The following LINGO2 variants were observed in gnomAD, a reference collection of about 807,000 sequenced individuals.
LINGO2 encodes leucine rich repeat and Ig domain containing 2.
LINGO2 carries 14 observed loss-of-function variants against 30.6 expected under a neutral mutation model. The observed-to-expected ratio is 0.46, with a 90% CI of 0.30 to 0.72. The LOEUF (loss-of-function observed/expected upper bound fraction) is 0.72. Ranked by LOEUF, LINGO2 falls within the 30% of genes least tolerant of loss-of-function variation. LINGO2 has a pLI of 0.07. For synonymous variants in LINGO2, 317 were observed against 288.5 expected (o/e 1.10, Z -1.00); for missense variants, 729 against 751.7 (o/e 0.97, Z 0.35).
At chr9:28,814,658 C>T in the LINGO2 span, among the ~76,000 whole-genome samples, 1 of 152,134 alleles carries the variant, frequency 6.6e-6, no homozygotes, top group East Asian at 1.9e-4. Context: ...GAGGCCGAGG[C>T]AGACGGATCA....
the LINGO2 span, among the ~76,000 whole-genome samples, chr9:29,129,260 C>T: frequency 6.6e-6 from 1 of 151,836 alleles, no homozygotes; most frequent in South Asian, 2.1e-4. Flanking sequence ...AAATTGTTAA[C>T]AAGGAAATAA....
chr9:27,969,214 T>C (rs10968237), intron 5 of LINGO2, among the ~76,000 whole-genome samples: 10,727 of 152,068 alleles, frequency 0.071, 787 homozygotes, highest in African/African-American at 0.17. Context: ...CTTTGTTTTA[T>C]GGAAAACAAA....
intron 2 of LINGO2, among the ~76,000 whole-genome samples, chr9:28,377,077 T>G (rs947228121): frequency 1.3e-5 from 2 of 151,162 alleles, no homozygotes; most frequent in East Asian, 2.0e-4. Flanking sequence ...ACACGTTGAT[T>G]TATAATATTA....
chr9:28,674,901 G>A (rs757771751), upstream of LINGO2, among the ~76,000 whole-genome samples: 1 of 151,910 alleles, frequency 6.6e-6, no homozygotes, highest in African/African-American at 2.4e-5. Context: ...TTAATATTTT[G>A]GAGAGTGTAG....
In LINGO2 at chr9:28,486,918, T is replaced by C. The variant is rs1826190761; in HGVS notation, c.-364-10893A>G. ...CTCTCCATTAAGGGTACTGAGTTAT[T>C]TGACACAAAGAGAAAAAACATTTAA... is the stretch of plus-strand genomic sequence containing the variant. On this transcript the variant is annotated intron_variant, in intron 1 of 5. Transcript: ENST00000379992. Among the ~76,000 whole-genome samples the C allele has an allele frequency of 2.0e-5, 3 of 152,046 alleles. No individual in the cohort carries two copies. In the South Asian group the frequency reaches 6.2e-4, roughly 32 times the overall value.
chr9:28,057,812 G>A (rs1053085237), intron 4 of LINGO2, among the ~76,000 whole-genome samples: 13 of 151,498 alleles, frequency 8.6e-5, no homozygotes, highest in East Asian at 5.8e-4. Context: ...ACTCTCTTCC[G>A]GCTACCCTTC....
chr9:28,580,071 A>C (rs1824182843), intron 1 of LINGO2, among the ~76,000 whole-genome samples: 1 of 152,094 alleles, frequency 6.6e-6, no homozygotes. Context: ...ATAGCAAAAG[A>C]AGCAGTGCAG....
At chr9:29,102,525 C>G in the LINGO2 span, among the ~76,000 whole-genome samples, 1 of 152,060 alleles carries the variant, frequency 6.6e-6, no homozygotes, top group Non-Finnish European at 1.5e-5. Flanking sequence ...CCTTCAAAAA[C>G]AAAGAACACA....
chr9:28,433,502 GA>G (rs1200303999), intron 2 of LINGO2, among the ~76,000 whole-genome samples: 2 of 151,852 alleles, frequency 1.3e-5, no homozygotes, highest in African/African-American at 4.8e-5. Flanking sequence ...TGATGGAAAG[GA>G]AAAAAACAGA....
At chr9:28,519,153 C>T (rs1040344746) in intron 1 of LINGO2, among the ~76,000 whole-genome samples, 2 of 152,050 alleles carry the variant, frequency 1.3e-5, no homozygotes, top group Admixed American at 6.6e-5. Flanking sequence ...CCATCTCAGC[C>T]TCCAGAGTAG....
At chr9:28,884,697 G>GTATATA in the LINGO2 span, among the ~76,000 whole-genome samples, 5 of 138,024 alleles carry the variant, frequency 3.6e-5, no homozygotes, top group South Asian at 2.2e-4. Context: ...GTATGTATGT[G>GTATATA]TATATATATA....
the LINGO2 span, among the ~76,000 whole-genome samples, chr9:28,783,766 C>T: frequency 1.3e-5 from 2 of 152,200 alleles, no homozygotes; most frequent in African/African-American, 4.8e-5. Context: ...GCTGCTATAA[C>T]AGAGTGCTAT....
At chr9:28,622,228 C>G (rs1227162136) in intron 1 of LINGO2, among the ~76,000 whole-genome samples, 2 of 151,944 alleles carry the variant, frequency 1.3e-5, no homozygotes, top group East Asian at 1.9e-4. Context: ...GTTGTGCTAT[C>G]AGATACTAGG....
intron 4 of LINGO2, among the ~76,000 whole-genome samples, chr9:28,132,611 G>T (rs1398809981): frequency 6.6e-6 from 1 of 152,190 alleles, no homozygotes; most frequent in Admixed American, 6.5e-5. Context: ...ACAAAATCTA[G>T]TAACTGCTTT....
At chr9:28,087,402 A>G (rs1328020321) in intron 4 of LINGO2, among the ~76,000 whole-genome samples, 1 of 152,124 alleles carries the variant, frequency 6.6e-6, no homozygotes, top group Non-Finnish European at 1.5e-5. Context: ...CATTCTAATC[A>G]TCACTATTAA....
chr9:28,956,719 C>T, the LINGO2 span, among the ~76,000 whole-genome samples: 1 of 122,102 alleles, frequency 8.2e-6, no homozygotes, highest in Non-Finnish European at 1.7e-5. Context: ...TCCTCCCTCC[C>T]CTGCCTCCTC....
At chr9:28,356,453 C>A (rs1487907576) in intron 3 of LINGO2, among the ~76,000 whole-genome samples, 1 of 152,054 alleles carries the variant, frequency 6.6e-6, no homozygotes, top group African/African-American at 2.4e-5. Flanking sequence ...TGAATGAGTG[C>A]CTTATTGTCA....
the LINGO2 span, among the ~76,000 whole-genome samples, chr9:28,867,173 G>T: frequency 6.6e-6 from 1 of 152,096 alleles, no homozygotes; most frequent in Non-Finnish European, 1.5e-5. Context: ...AACTGAGTGG[G>T]AAGGCAAGTT....
At chr9:28,078,621 C>T (rs373927741) in intron 4 of LINGO2, among the ~76,000 whole-genome samples, 4 of 148,188 alleles carry the variant, frequency 2.7e-5, no homozygotes, top group Admixed American at 2.7e-4. Flanking sequence ...GAGGCTGAGG[C>T]GGGCGGATCA....
Sources: gnomAD v4.1 joint callset for allele counts (sites outside exome capture counted in the v4.1 genomes callset) on GRCh38, gnomAD v4.1.1 for gene constraint, MANE v1.5 for transcripts, NCBI Gene and HGNC (gene_info 2026-07-23, HGNC 2026-07-21) for gene names.